The following CSMD1 variants were observed in gnomAD, a reference collection of about 807,000 sequenced individuals.
CSMD1 encodes CUB and Sushi multiple domains 1, also known as CUB and sushi domain-containing protein 1.
CSMD1 carries 213 observed loss-of-function variants against 417.5 expected under a neutral mutation model. That is an observed-to-expected ratio of 0.51 (90% CI 0.46 to 0.57). CSMD1 has a LOEUF of 0.57. Ranked by LOEUF, CSMD1 falls within the 20% of genes least tolerant of loss-of-function variation. CSMD1 has a pLI of 0.00. For missense variants in CSMD1, 6,923 were observed against 4,529.7 expected, an observed-to-expected ratio of 1.53 and a Z score of -15.17; for synonymous variants, 2,862 against 1,736.8, an observed-to-expected ratio of 1.65 and a Z score of -16.11.
intron 5 of CSMD1, among the ~76,000 whole-genome samples, chr8:3,816,871 G>A (rs1003773887): frequency 6.6e-6 from 1 of 151,972 alleles, no homozygotes; most frequent in Non-Finnish European, 1.5e-5. Context: ...GGGGTAAGGG[G>A]GCACTATATA....
intron 1 of CSMD1, among the ~76,000 whole-genome samples, chr8:4,803,020 T>C (rs529539683): frequency 6.6e-6 from 1 of 152,156 alleles, no homozygotes; most frequent in East Asian, 1.9e-4. Flanking sequence ...CAGATATCAT[T>C]TGGTTTTCTC....
At chr8:3,279,722 G>A (rs961961431) in intron 26 of CSMD1, among the ~76,000 whole-genome samples, 1 of 152,102 alleles carries the variant, frequency 6.6e-6, no homozygotes, top group East Asian at 1.9e-4. Context: ...AATCATGGAG[G>A]AAGGTGAAGG....
intron 2 of CSMD1, among the ~76,000 whole-genome samples, chr8:4,507,834 T>A (rs1802606223): frequency 6.6e-6 from 1 of 152,146 alleles, no homozygotes; most frequent in Non-Finnish European, 1.5e-5. Context: ...AAAAGGTTTC[T>A]TTGGAGCTGA....
chr8:4,206,646 T>C (rs1002326078), intron 3 of CSMD1, among the ~76,000 whole-genome samples: 3 of 152,208 alleles, frequency 2.0e-5, no homozygotes, highest in South Asian at 2.1e-4. Context: ...AATAAACGTA[T>C]GTGTGCATGT....
At chr8:3,506,339 G>A (rs1481929581) in intron 10 of CSMD1, among the ~76,000 whole-genome samples, 1 of 152,180 alleles carries the variant, frequency 6.6e-6, no homozygotes, top group African/African-American at 2.4e-5. Flanking sequence ...GAGACAAGGA[G>A]GCTTGCCGGA....
intron 3 of CSMD1, among the ~76,000 whole-genome samples, chr8:4,074,854 T>C (rs1308079898): frequency 5.3e-5 from 8 of 152,136 alleles, no homozygotes; most frequent in Non-Finnish European, 5.9e-5. Flanking sequence ...GAGTTTTTTT[T>C]CTCTCCTCCA....
At chr8:3,290,854 A>C (rs1228312074) in intron 25 of CSMD1, among the ~76,000 whole-genome samples, 1 of 151,738 alleles carries the variant, frequency 6.6e-6, no homozygotes, top group African/African-American at 2.4e-5. Flanking sequence ...CGGAACTTCC[A>C]ACACTATATT....
intron 1 of CSMD1, among the ~76,000 whole-genome samples, chr8:4,959,074 T>A (rs566692114): frequency 6.6e-6 from 1 of 152,206 alleles, no homozygotes; most frequent in Non-Finnish European, 1.5e-5. Context: ...GATGATTTCA[T>A]CTAGAGGGAA....
At chr8:3,127,934 G>C (rs1817594012) in intron 41 of CSMD1, 1 of 107,184 alleles carries the variant, frequency 9.3e-6, no homozygotes, top group Admixed American at 8.7e-5. Context: ...AAGGAAGGAA[G>C]GGAAGGAAAG....
intron 5 of CSMD1, among the ~76,000 whole-genome samples, chr8:3,829,328 C>T (rs917157902): frequency 6.6e-6 from 1 of 152,122 alleles, no homozygotes; most frequent in Admixed American, 6.6e-5. Flanking sequence ...ATCACCTTTC[C>T]ATAACCAGGT....
intron 12 of CSMD1, among the ~76,000 whole-genome samples, chr8:3,425,459 C>G (rs991673205): frequency 1.3e-4 from 19 of 151,668 alleles, no homozygotes; most frequent in African/African-American, 4.4e-4. Flanking sequence ...GTGGTGGCAC[C>G]TGCCTGTAAT....
At chr8:3,709,850 CGTGT>C (rs141111663) in intron 6 of CSMD1, among the ~76,000 whole-genome samples, 9 of 147,346 alleles carry the variant, frequency 6.1e-5, no homozygotes, top group African/African-American at 2.2e-4. Context: ...TGTGTGTGTA[CGTGT>C]GTGTGTGTGT....
At chr8:3,227,950 T>C (rs148755869) in intron 27 of CSMD1, among the ~76,000 whole-genome samples, 2,420 of 151,630 alleles carry the variant, frequency 0.016, 71 homozygotes, top group African/African-American at 0.056. Context: ...GTATTTTTAG[T>C]AGAGATAGGG....
chr8:3,226,248 T>C (rs1054618227), intron 27 of CSMD1, among the ~76,000 whole-genome samples: 6 of 152,146 alleles, frequency 3.9e-5, no homozygotes, highest in Non-Finnish European at 8.8e-5. Flanking sequence ...TTGCAGGCTA[T>C]ATAAGATAAT....
intron 3 of CSMD1, among the ~76,000 whole-genome samples, chr8:4,085,684 C>G (rs181121437): frequency 6.6e-6 from 1 of 152,208 alleles, no homozygotes; most frequent in Non-Finnish European, 1.5e-5. Context: ...CAGGATAATG[C>G]TCTAATATGA....
rs533775187 is a variant in CSMD1 at position 4,426,950 on chromosome 8, G to A, written c.303-6885C>T. On this transcript the variant is annotated intron_variant, in intron 2 of 69. Coordinates refer to ENST00000635120, the MANE Select transcript of CSMD1 (RefSeq NM_033225.6). Reference sequence around the variant, plus strand: ...AAGAGAAATTATGGTAGAAGTATTCGGTCACTGGATAAGACTGGCCTGGTC... The same window carrying A: ...AAGAGAAATTATGGTAGAAGTATTCAGTCACTGGATAAGACTGGCCTGGTC... Among the ~76,000 whole-genome samples, 16 of 151,942 alleles carry A rather than the reference G, an allele frequency of 1.1e-4. No individual in the cohort carries two copies. The South Asian group carries it at 1.9e-3, about 18-fold the overall frequency.
intron 50 of CSMD1, among the ~76,000 whole-genome samples, chr8:3,040,801 T>C (rs1161967691): frequency 6.6e-6 from 1 of 150,928 alleles, no homozygotes; most frequent in Non-Finnish European, 1.5e-5. Flanking sequence ...AGACTCCAGC[T>C]CAAAATAATA....
chr8:3,690,694 C>G (rs1439700319), intron 7 of CSMD1, among the ~76,000 whole-genome samples: 1 of 152,110 alleles, frequency 6.6e-6, no homozygotes, highest in Non-Finnish European at 1.5e-5. Flanking sequence ...CTGAGAAGTA[C>G]ATAAAGCGCA....
chr8:4,492,081 T>A (rs552506897), intron 2 of CSMD1, among the ~76,000 whole-genome samples: 2 of 151,668 alleles, frequency 1.3e-5, no homozygotes, highest in African/African-American at 4.8e-5. Context: ...CAAAAAGACA[T>A]GAAGAAAATA....
Sources: allele counts gnomAD v4.1 joint callset (sites outside exome capture counted in the v4.1 genomes callset), GRCh38; gene constraint gnomAD v4.1.1; transcripts MANE v1.5; gene names NCBI Gene and HGNC (gene_info 2026-07-23, HGNC 2026-07-21).